RPL11: variants seen among roughly 807,000 people sequenced by gnomAD.
RPL11 encodes the protein large ribosomal subunit protein uL5.
RPL11 carries 3 observed loss-of-function variants against 24.1 expected under a neutral mutation model. The ratio of observed to expected loss-of-function variants is 0.12; its 90% CI spans 0.06 to 0.32. RPL11 has a LOEUF of 0.32. Among genes scored for constraint, RPL11 ranks in the 10% least tolerant of loss-of-function variants. The pLI, the probability that RPL11 is intolerant of heterozygous loss-of-function variation, is 1.00. For synonymous variants in RPL11, 96 were observed against 75.7 expected (o/e 1.27, Z -1.39); for missense variants, 146 against 225.7 (o/e 0.65, Z 2.26).
At chr1:23,693,490 G>A (rs889031441) in intron 2 of RPL11, among the ~76,000 whole-genome samples, 22 of 152,156 alleles carry the variant, frequency 1.4e-4, no homozygotes, top group African/African-American at 5.1e-4. Context: ...ATAATGCTTT[G>A]TTTTCTTTGG....
chr1:23,696,058 A>G (rs891140034), intron 5 of RPL11, 150 bp downstream of exon 5: 3 of 843,750 alleles, frequency 3.6e-6, no homozygotes, highest in African/African-American at 3.4e-5. Context: ...GCTTCCAGGG[A>G]TGATGGTTTA....
In RPL11 at chr1:23,693,921, TAATCCC is replaced by T; in HGVS notation, c.264+9_264+14del. 1 of 1,596,020 alleles carries T rather than the reference TAATCCC, an allele frequency of 6.3e-7. No individual in the cohort carries two copies. Among genetic ancestry groups the T allele is most frequent in the Non-Finnish European group, 8.6e-7 (1 of 1,163,506 alleles). On this transcript the variant is annotated intron_variant, in intron 3 of 5. Transcript: ENST00000643754. ...TTGGAGAAGGGTCTAAAGGTGAGCCTAATCCCCTAATGGAGTGATATTGATCAGCAC... is the reference window on the plus strand; with the variant it reads ...TTGGAGAAGGGTCTAAAGGTGAGCCTCTAATGGAGTGATATTGATCAGCAC...
At chr1:23,694,604 G>A in intron 3 of RPL11, 56 bp from the exon 4 acceptor site, 2 of 1,610,926 alleles carry the variant, frequency 1.2e-6, no homozygotes, top group African/African-American at 2.7e-5. Flanking sequence ...AGTTACTTGG[G>A]GGTGGGAGGG....
At chr1:23,694,610 G>A (rs1644521917) in intron 3 of RPL11, 50 bp from the exon 4 acceptor site, 2 of 1,611,890 alleles carry the variant, frequency 1.2e-6, no homozygotes, top group African/African-American at 2.7e-5. Flanking sequence ...TTGGGGGTGG[G>A]AGGGAGTTGA....
intron 3 of RPL11, among the ~76,000 whole-genome samples, chr1:23,694,295 T>A (rs2124430606): frequency 6.6e-6 from 1 of 152,036 alleles, no homozygotes; most frequent in South Asian, 2.1e-4. Flanking sequence ...CGACAATTGC[T>A]AGAACCTGGG....
Position 23,694,654 on chromosome 1 carries a change from C to T in RPL11, c.265-6C>T. The T allele has an allele frequency of 6.2e-7, 1 of 1,613,810 alleles. No individual in the cohort carries two copies. The highest frequency in any genetic ancestry group is 8.5e-7 in the Non-Finnish European group (1 of 1,179,838). On this transcript the variant is annotated splice_region_variant and splice_polypyrimidine_tract_variant and intron_variant, in intron 3 of 5. Transcript: ENST00000643754. ...AGGAATGTTATTGCTGCATTTTTCT[C>T]CACAGGTGCGGGAGTATGAGTTAAG...
intron 3 of RPL11, 42 bp downstream of exon 3, chr1:23,693,955 C>T (rs774934504): frequency 1.5e-6 from 2 of 1,342,726 alleles, no homozygotes; most frequent in Non-Finnish European, 1.1e-6. Flanking sequence ...ATCAGCACTC[C>T]TTTAGTAACA....
At chr1:23,692,512 G>T in intron 1 of RPL11, 97 bp from the exon 2 acceptor site, 2 of 1,498,822 alleles carry the variant, frequency 1.3e-6, no homozygotes, top group Non-Finnish European at 9.3e-7. Flanking sequence ...GTTACGATTT[G>T]GGATGAGCAG....
intron 2 of RPL11, among the ~76,000 whole-genome samples, chr1:23,693,571 C>T (rs1644515060): frequency 2.0e-5 from 3 of 152,126 alleles, no homozygotes; most frequent in Admixed American, 6.5e-5. Flanking sequence ...GGAACTTCGG[C>T]GTTATGACTG....
rs746259680 is a variant in RPL11, at chr1:23,691,815, C to T, written c.-9C>T. The T allele has an allele frequency of 6.2e-7, 1 of 1,614,272 alleles. No homozygotes were observed. The highest frequency in any genetic ancestry group is 8.5e-7 in the Non-Finnish European group (1 of 1,180,048). Reference sequence around the variant, plus strand: ...CCGGAAGCTCCGCTTTCTCTTCCTGCTCTCCATCATGGCGGTGAGTAGCTG... The same window carrying T: ...CCGGAAGCTCCGCTTTCTCTTCCTGTTCTCCATCATGGCGGTGAGTAGCTG... On this transcript the variant is annotated 5_prime_UTR_variant, in exon 1 of 6. Coordinates refer to ENST00000643754, the MANE Select transcript of RPL11 (RefSeq NM_000975.5).
intron 1 of RPL11, 96 bp from the exon 2 acceptor site, chr1:23,692,513 G>T: frequency 6.6e-7 from 1 of 1,506,036 alleles, no homozygotes; most frequent in Non-Finnish European, 9.2e-7. Flanking sequence ...TTACGATTTG[G>T]GATGAGCAGA....
chr1:23,692,481 T>G (rs1644506957), intron 1 of RPL11, 128 bp from the exon 2 acceptor site: 1 of 1,231,354 alleles, frequency 8.1e-7, no homozygotes, highest in Admixed American at 1.8e-5. Flanking sequence ...ACATTATACC[T>G]TTTAAACATT....
chr1:23,695,736 G>A, intron 4 of RPL11, 62 bp from the exon 5 acceptor site: 2 of 1,424,614 alleles, frequency 1.4e-6, no homozygotes, highest in Non-Finnish European at 9.7e-7. Context: ...TAATGTGTGA[G>A]TCTTGTCCAT....
In RPL11 at chr1:23,695,875, C is replaced by T; in HGVS notation, c.474C>T (p.Ser158=). 1.3e-6 allele frequency: 2 copies of T among 1,596,240 alleles called. No individual in the cohort carries two copies. The highest frequency in any genetic ancestry group is 1.7e-6 in the Non-Finnish European group (2 of 1,171,290). ...TGCIGAKHRI[S]KEEAMRWFQQ... ...GCATTGGGGCCAAACACAGAATCAG[C>T]AAAGAGGAGGCCATGCGCTGGTTCC... is the stretch of plus-strand genomic sequence containing the variant. The change falls in exon 5 of 6, where the codon AGC becomes AGT. Residue 158 remains serine (S), a synonymous_variant. Coordinates refer to ENST00000643754, the MANE Select transcript of RPL11 (RefSeq NM_000975.5).
At position 23,695,853 on chromosome 1, in the gene RPL11, T is replaced by G; in HGVS notation, c.452T>G (p.Ile151Ser). ...GACAAGAAGCGCAGGACAGGCTGCATTGGGGCCAAACACAGAATCAGCAAA... is the reference window on the plus strand; with the variant it reads ...GACAAGAAGCGCAGGACAGGCTGCAGTGGGGCCAAACACAGAATCAGCAAA... ...IADKKRRTGC[I>S]GAKHRISKEE... Residue 151 changes from isoleucine to serine, a missense_variant, in exon 5 of 6, where the codon ATT (isoleucine) becomes AGT (serine). Coordinates refer to ENST00000643754, the MANE Select transcript of RPL11 (RefSeq NM_000975.5). 2 of 1,601,036 alleles carry G rather than the reference T, an allele frequency of 1.2e-6. No homozygotes were observed. The highest frequency in any genetic ancestry group is 1.7e-6 in the Non-Finnish European group (2 of 1,174,004).
chr1:23,692,880 A>G, intron 2 of RPL11, 121 bp downstream of exon 2: 1 of 1,256,354 alleles, frequency 8.0e-7, no homozygotes. Context: ...CATTAAATTC[A>G]TGAGCCGGCC....
chr1:23,693,408 A>G (rs994718936), intron 2 of RPL11, among the ~76,000 whole-genome samples: 3 of 152,108 alleles, frequency 2.0e-5, no homozygotes, highest in African/African-American at 7.2e-5. Flanking sequence ...AAGTTAATAA[A>G]CCTCTCAAAA....
chr1:23,692,232 T>C (rs748159097), intron 1 of RPL11: 10 of 426,904 alleles, frequency 2.3e-5, no homozygotes, highest in East Asian at 2.0e-4. Context: ...AATAGGATGC[T>C]GGACGTCGCA....
chr1:23,696,029 G>T, intron 5 of RPL11, 121 bp downstream of exon 5: 1 of 1,025,660 alleles, frequency 9.7e-7, no homozygotes, highest in Non-Finnish European at 1.5e-6. Context: ...AGAATATTGG[G>T]CATCTTGACA....
Sources: gnomAD v4.1 joint callset for allele counts (sites outside exome capture counted in the v4.1 genomes callset) on GRCh38, gnomAD v4.1.1 for gene constraint, MANE v1.5 for transcripts, NCBI Gene and HGNC (gene_info 2026-07-23, HGNC 2026-07-21) for gene names.